ADCY1: variants seen among roughly 807,000 people sequenced by gnomAD.
ADCY1 encodes adenylate cyclase type 1.
Under a neutral mutation model 105.4 loss-of-function variants are expected in ADCY1, and 28 were observed. The observed-to-expected ratio is 0.27, with a 90% CI of 0.20 to 0.36. The LOEUF is 0.36. ADCY1 is among the 10% of genes least tolerant of loss of function. The pLI, the probability that ADCY1 is intolerant of heterozygous loss-of-function variation, is 1.00. For synonymous variants in ADCY1, 655 were observed against 623.8 expected, an observed-to-expected ratio of 1.05 and a Z score of -0.75; for missense variants, 977 against 1,434.2, an observed-to-expected ratio of 0.68 and a Z score of 5.15.
intron 1 of ADCY1, among the ~76,000 whole-genome samples, chr7:45,579,150 C>T (rs921110652): frequency 2.0e-5 from 3 of 152,120 alleles, no homozygotes; most frequent in African/African-American, 7.2e-5. Flanking sequence ...TCATAGGGCT[C>T]AAGGGCCCTG....
At position 45,622,761 on chromosome 7, in the gene ADCY1, C is replaced by T; in HGVS notation, c.1020+18C>T. 2 of 1,594,398 alleles carry T rather than the reference C, an allele frequency of 1.3e-6. No homozygotes were observed. Among genetic ancestry groups the T allele is most frequent in the Non-Finnish European group, 1.7e-6 (2 of 1,166,374 alleles). On this transcript the variant is annotated intron_variant, in intron 4 of 19. Transcript: ENST00000297323. ...TAGCCACGGTAAGTGCAGCGTTTTT[C>T]TTTGTTCGAATTAAATTAGAATTGC...
intron 8 of ADCY1, among the ~76,000 whole-genome samples, chr7:45,668,187 G>T (rs556479113): frequency 3.4e-4 from 52 of 152,290 alleles, no homozygotes; most frequent in Non-Finnish European, 6.5e-4. Context: ...TGGTGAGAGA[G>T]GGCATCCCTG....
intron 14 of ADCY1, among the ~76,000 whole-genome samples, chr7:45,699,271 T>TCTG (rs1483460917): frequency 6.6e-6 from 1 of 152,194 alleles, no homozygotes; most frequent in East Asian, 1.9e-4. Context: ...TGGAGCACAC[T>TCTG]GAGGGCAGAA....
chr7:45,664,508 T>C, intron 8 of ADCY1: 16 of 1,395,260 alleles, frequency 1.1e-5, no homozygotes, highest in Non-Finnish European at 1.4e-5. Context: ...TAAACATAAT[T>C]GATTATGGAA....
At chr7:45,585,571 C>T (rs1219168310) in intron 1 of ADCY1, among the ~76,000 whole-genome samples, 1 of 151,724 alleles carries the variant, frequency 6.6e-6, no homozygotes, top group Non-Finnish European at 1.5e-5. Context: ...GGCCTAGCCT[C>T]CTGAGTAGTT....
chr7:45,678,565 G>GCAA (rs1385385629), intron 10 of ADCY1, among the ~76,000 whole-genome samples: 1 of 151,978 alleles, frequency 6.6e-6, no homozygotes, highest in Non-Finnish European at 1.5e-5. Context: ...TTTCATCCAT[G>GCAA]CAACATGCAC....
chr7:45,623,310 C>T (rs1199374173), intron 4 of ADCY1, among the ~76,000 whole-genome samples: 1 of 152,236 alleles, frequency 6.6e-6, no homozygotes, highest in Non-Finnish European at 1.5e-5. Context: ...TGCTGAATGT[C>T]GGGCCAAGGC....
At chr7:45,668,340 T>G (rs1411012549) in intron 8 of ADCY1, among the ~76,000 whole-genome samples, 5 of 152,164 alleles carry the variant, frequency 3.3e-5, no homozygotes, top group Non-Finnish European at 5.9e-5. Context: ...TAGCATGAAG[T>G]GCTGTTGAAT....
intron 3 of ADCY1, among the ~76,000 whole-genome samples, chr7:45,611,594 T>C (rs1238048099): frequency 4.6e-5 from 7 of 152,016 alleles, no homozygotes; most frequent in Non-Finnish European, 8.8e-5. Context: ...AAACTAAACC[T>C]TCAAAGTGAA....
chr7:45,654,342 C>T (rs1007784696), intron 5 of ADCY1, among the ~76,000 whole-genome samples: 2 of 152,240 alleles, frequency 1.3e-5, no homozygotes, highest in African/African-American at 4.8e-5. Flanking sequence ...GCTAAATAGA[C>T]TCAATCCAGA....
At chr7:45,662,484 A>G (rs1405036647) in intron 8 of ADCY1, among the ~76,000 whole-genome samples, 2 of 152,128 alleles carry the variant, frequency 1.3e-5, no homozygotes, top group Non-Finnish European at 2.9e-5. Flanking sequence ...AAAATTCCCC[A>G]CCTGCTGTCT....
chr7:45,699,659 T>C (rs1784957015), intron 14 of ADCY1, among the ~76,000 whole-genome samples: 1 of 151,976 alleles, frequency 6.6e-6, no homozygotes, highest in African/African-American at 2.4e-5. Flanking sequence ...GGGACCTAAC[T>C]ACATGGGAGG....
intron 2 of ADCY1, among the ~76,000 whole-genome samples, chr7:45,606,621 A>G (rs748162395): frequency 1.3e-5 from 2 of 152,174 alleles, no homozygotes; most frequent in Non-Finnish European, 2.9e-5. Context: ...TTTGATGTGT[A>G]ACATCCAGGA....
chr7:45,601,057 G>A (rs1264884153), intron 2 of ADCY1, among the ~76,000 whole-genome samples: 1 of 152,168 alleles, frequency 6.6e-6, no homozygotes, highest in Non-Finnish European at 1.5e-5. Flanking sequence ...AAAGTCGAGT[G>A]TATGATTTAA....
At chr7:45,707,949 C>A (rs892650799) in intron 17 of ADCY1, among the ~76,000 whole-genome samples, 1 of 152,234 alleles carries the variant, frequency 6.6e-6, no homozygotes, top group Non-Finnish European at 1.5e-5. Context: ...CCTTGTCACA[C>A]ACATACATGA....
At position 45,717,086 on chromosome 7, in the gene ADCY1, G is replaced by A. The variant is rs1262582185; in HGVS notation, c.*3091G>A. 2.0e-5 allele frequency: 3 copies of A among 152,300 alleles called. No homozygotes were observed. The highest frequency in any genetic ancestry group is 4.4e-5 in the Non-Finnish European group (3 of 68,102). 9.4% of individuals were successfully genotyped at this position (152,300 alleles called of 1,614,324 possible). On this transcript the variant is annotated 3_prime_UTR_variant, in exon 20 of 20. Transcript: ENST00000297323. ...AGCGACACCTTGGTTTGGCCTGTGA[G>A]ACTGAGAAGAGAGCCAGCCACGCCA...
upstream of ADCY1, chr7:45,574,176 G>A (rs1562667044): frequency 2.0e-6 from 2 of 979,710 alleles, no homozygotes; most frequent in African/African-American, 1.8e-5. The surrounding 1 kb of genome is among the most constrained non-coding windows in gnomAD (Gnocchi z 7.0). Context: ...GAGGCTCGGA[G>A]GGGACAAGGA....
intron 3 of ADCY1, among the ~76,000 whole-genome samples, chr7:45,617,715 A>G (rs982367553): frequency 1.3e-5 from 2 of 152,216 alleles, no homozygotes; most frequent in African/African-American, 4.8e-5. Flanking sequence ...CTATAAAACA[A>G]TGATGAAAGA....
intron 14 of ADCY1, among the ~76,000 whole-genome samples, chr7:45,696,774 G>T (rs1429975829): frequency 6.6e-6 from 1 of 152,152 alleles, no homozygotes; most frequent in Admixed American, 6.5e-5. Flanking sequence ...TGCAAGTAGA[G>T]TAAAAGGTCC....
Sources: gnomAD v4.1 joint callset for allele counts (sites outside exome capture counted in the v4.1 genomes callset) on GRCh38, gnomAD v4.1.1 for gene constraint, Gnocchi (gnomAD v3.1) non-coding constraint, MANE v1.5 for transcripts, NCBI Gene and HGNC (gene_info 2026-07-23, HGNC 2026-07-21) for gene names.